The following ASAP2 variants were observed in gnomAD, a reference collection of about 807,000 sequenced individuals.
ASAP2 encodes ArfGAP with SH3 domain, ankyrin repeat and PH domain 2, also known as arf-GAP with SH3 domain, ANK repeat and PH domain-containing protein 2.
ASAP2 carries 45 observed loss-of-function variants against 131.4 expected under a neutral mutation model. That is an observed-to-expected ratio of 0.34 (90% CI 0.27 to 0.44). The LOEUF is 0.44. Ranked by LOEUF, ASAP2 falls within the 20% of genes least tolerant of loss-of-function variation. The probability of loss-of-function intolerance (pLI) is 1.00; values close to 1 mark genes in which losing one functional copy is unlikely to be tolerated. For synonymous variants in ASAP2, 510 were observed against 503.0 expected, an observed-to-expected ratio of 1.01 and a Z score of -0.19; for missense variants, 1,011 against 1,297.0, an observed-to-expected ratio of 0.78 and a Z score of 3.39.
At chr2:9,247,647 T>C (rs1664426733) in intron 1 of ASAP2, among the ~76,000 whole-genome samples, 2 of 152,230 alleles carry the variant, frequency 1.3e-5, no homozygotes, top group South Asian at 2.1e-4. Context: ...TTCTGAAATT[T>C]GGGAATGATA....
At chr2:9,387,527 G>A (rs1675374993) in intron 21 of ASAP2, among the ~76,000 whole-genome samples, 1 of 152,232 alleles carries the variant, frequency 6.6e-6, no homozygotes, top group African/African-American at 2.4e-5. Flanking sequence ...TCTGCTGAAT[G>A]AGCCATATAG....
At position 9,404,600 on chromosome 2, in the gene ASAP2, C is replaced by G. The variant is rs772557752; in HGVS notation, c.*1273C>G. The G allele has an allele frequency of 6.6e-6, 1 of 152,506 alleles. No individual in the cohort carries two copies. Among genetic ancestry groups the G allele is most frequent in the Non-Finnish European group, 1.5e-5 (1 of 68,032 alleles). The allele number at this position is 152,506 out of a possible 1,614,324, so 9.4% of individuals were successfully genotyped here. Reference sequence around the variant, plus strand: ...AGAATAAATAGGCATATGATACCCACTTGGACTTTTAACAAAAGTAAAGGA... The same window carrying G: ...AGAATAAATAGGCATATGATACCCAGTTGGACTTTTAACAAAAGTAAAGGA... On this transcript the variant is annotated 3_prime_UTR_variant, in exon 28 of 28. Transcript: ENST00000281419.
chr2:9,259,834 A>C (rs1665450702), intron 1 of ASAP2, among the ~76,000 whole-genome samples: 1 of 152,188 alleles, frequency 6.6e-6, no homozygotes, highest in Non-Finnish European at 1.5e-5. Context: ...CCGATGCTAA[A>C]TGCCCCCCAT....
chr2:9,305,251 T>G (rs1359146938), intron 3 of ASAP2, among the ~76,000 whole-genome samples: 9 of 151,384 alleles, frequency 5.9e-5, no homozygotes, highest in African/African-American at 1.7e-4. Context: ...GGTATACATA[T>G]TGGTGGAGGG....
rs534850422 is a variant in ASAP2, at chr2:9,360,813, A to T, written c.1461+1924A>T. ...ATTAATGTAACATAATTATGAGTTT[A>T]TATAGCATAATTTTTAATAGTAGCA... is the stretch of plus-strand genomic sequence containing the variant. On this transcript the variant is annotated intron_variant, in intron 15 of 27. Transcript: ENST00000281419. Among the ~76,000 whole-genome samples, 9 of 152,138 alleles carry T rather than the reference A, an allele frequency of 5.9e-5. No individual in the cohort carries two copies. The South Asian group carries it at 1.9e-3, about 32-fold the overall frequency.
At chr2:9,242,999 G>C (rs1024008622) in intron 1 of ASAP2, among the ~76,000 whole-genome samples, 1 of 152,198 alleles carries the variant, frequency 6.6e-6, no homozygotes, top group Non-Finnish European at 1.5e-5. Context: ...CCTGCATGAT[G>C]GCTTTAAGTA....
rs1240940983 is a variant in ASAP2, at chr2:9,358,853, C to T, written c.1425C>T (p.Ser475=). The part of the protein sequence containing the change: ...ELGVHYSRMQ[S]LTLDVLGTSE... ...GGGTTCATTATTCCAGGATGCAGTCCCTGACCTTAGATGTACTGGGAACAT... is the reference window on the plus strand; with the variant it reads ...GGGTTCATTATTCCAGGATGCAGTCTCTGACCTTAGATGTACTGGGAACAT... The change falls in exon 15 of 28, where the codon TCC becomes TCT. Residue 475 remains serine (S), a synonymous_variant. Transcript: ENST00000281419. 1 of 1,612,280 alleles carries T rather than the reference C, an allele frequency of 6.2e-7. No homozygotes were observed. The highest frequency in any genetic ancestry group is 1.1e-5 in the South Asian group (1 of 90,944).
intron 11 of ASAP2, among the ~76,000 whole-genome samples, chr2:9,349,093 A>G (rs573499274): frequency 6.6e-6 from 1 of 152,318 alleles, no homozygotes; most frequent in Non-Finnish European, 1.5e-5. Context: ...CAGTTAGGAA[A>G]ATTAAATGAA....
chr2:9,325,682 C>T (rs572058636), intron 6 of ASAP2, among the ~76,000 whole-genome samples: 3 of 152,330 alleles, frequency 2.0e-5, no homozygotes, highest in Admixed American at 1.3e-4. Flanking sequence ...TACTACTTCT[C>T]TTCTGTATCC....
chr2:9,377,877 G>C (rs1332401179), intron 18 of ASAP2, among the ~76,000 whole-genome samples: 1 of 152,156 alleles, frequency 6.6e-6, no homozygotes, highest in Admixed American at 6.5e-5. Flanking sequence ...CACTGGACTC[G>C]TGGTGGAAGC....
At chr2:9,309,685 G>A (rs990742953) in intron 3 of ASAP2, among the ~76,000 whole-genome samples, 4 of 152,200 alleles carry the variant, frequency 2.6e-5, no homozygotes, top group African/African-American at 9.7e-5. Flanking sequence ...AAAGCCATTT[G>A]TCCAAAGTGT....
intron 12 of ASAP2, 55 bp downstream of exon 12, chr2:9,350,950 TG>T: frequency 7.5e-7 from 1 of 1,331,108 alleles, no homozygotes; most frequent in Non-Finnish European, 1.0e-6. Flanking sequence ...TGCTCTCCTC[TG>T]GGGCGTCCTT....
chr2:9,284,788 G>T (rs1200258905), intron 2 of ASAP2, among the ~76,000 whole-genome samples: 1 of 152,182 alleles, frequency 6.6e-6, no homozygotes, highest in Non-Finnish European at 1.5e-5. Context: ...TACTTACACT[G>T]CTTTCTTAGT....
rs538997559 is a variant in ASAP2, at chr2:9,378,342, G to A, written c.1833-602G>A. On this transcript the variant is annotated intron_variant, in intron 18 of 27. Transcript: ENST00000281419. ...TGTGGGTGACCTGGTCTTGTGATAT[G>A]TTGGAAGAACTTTTGAAAATCTCAA... Among the ~76,000 whole-genome samples the A allele has an allele frequency of 2.0e-4, 31 of 152,290 alleles. No individual in the cohort carries two copies. The South Asian group carries it at 6.2e-3, about 31-fold the overall frequency.
In ASAP2 at chr2:9,211,155, C is replaced by CA. The variant is rs70948809; in HGVS notation, c.126+3941dup. Among the ~76,000 whole-genome samples the CA allele has an allele frequency of 5.4e-3, 693 of 129,086 alleles. 6 individuals are homozygous for CA. The highest frequency in any genetic ancestry group is 0.016 in the African/African-American group (564 of 35,018). 84.7% of individuals were successfully genotyped at this position (129,086 alleles called of 152,430 possible). A position where few individuals can be genotyped will look rare whatever the true frequency, so the allele number is the denominator to read the frequency against. ...GGGCAACAAGAGTGAAACTGCGTCT[C>CA]AAAAAAAAAAAAAAAAGTTTGTTGT... On this transcript the variant is annotated intron_variant, in intron 1 of 27. Transcript: ENST00000281419.
At chr2:9,381,283 A>C (rs1674817000) in intron 20 of ASAP2, among the ~76,000 whole-genome samples, 1 of 152,266 alleles carries the variant, frequency 6.6e-6, no homozygotes, top group Non-Finnish European at 1.5e-5. Context: ...CAGGCCAGGC[A>C]GCCCTGGCCT....
chr2:9,353,437 G>T (rs1204989893), intron 12 of ASAP2, among the ~76,000 whole-genome samples: 1 of 152,110 alleles, frequency 6.6e-6, no homozygotes, highest in Non-Finnish European at 1.5e-5. Context: ...TGTGCCTTTG[G>T]TCCCAGCTAC....
In ASAP2 at chr2:9,313,650, C is replaced by T. The variant is rs1669462891; in HGVS notation, c.346-4874C>T. 4.6e-5 allele frequency among the ~76,000 whole-genome samples: 7 copies of T among 152,204 alleles called. No individual in the cohort carries two copies. In the South Asian group the frequency reaches 1.4e-3, roughly 32 times the overall value. On this transcript the variant is annotated intron_variant, in intron 3 of 27. Transcript: ENST00000281419. Reference sequence around the variant, plus strand: ...TGTTCTAGACCGCACAGCATTGGCTCCCAGCCAGGCAGGGTTCAGGACCAA... The same window carrying T: ...TGTTCTAGACCGCACAGCATTGGCTTCCAGCCAGGCAGGGTTCAGGACCAA...
Position 9,393,606 on chromosome 2 carries a change from ACAGCCGCC to A in ASAP2, c.2652_2659del (p.Ser885ProfsTer10). ...AGATCAGGCCCCCACCTCTGCCCCC[ACAGCCGCC>A]CAGCCGCCTCCCGCAGAAGAAGCCT... is the stretch of plus-strand genomic sequence containing the variant. On this transcript the variant is annotated frameshift_variant, in exon 24 of 28. Transcript: ENST00000281419. LOFTEE classifies it high-confidence loss of function. 1 of 1,586,296 alleles carries A rather than the reference ACAGCCGCC, an allele frequency of 6.3e-7. No homozygotes were observed. The highest frequency in any genetic ancestry group is 8.6e-7 in the Non-Finnish European group (1 of 1,169,354).
Sources: gnomAD v4.1 joint callset for allele counts (sites outside exome capture counted in the v4.1 genomes callset) on GRCh38, gnomAD v4.1.1 for gene constraint, MANE v1.5 for transcripts, NCBI Gene and HGNC (gene_info 2026-07-23, HGNC 2026-07-21) for gene names.